MYT1: variants seen among roughly 807,000 people sequenced by gnomAD.
MYT1 encodes myelin transcription factor I.
Under a neutral mutation model 123.0 loss-of-function variants are expected in MYT1, and 23 were observed. The ratio of observed to expected loss-of-function variants is 0.19; its 90% CI spans 0.13 to 0.26. MYT1 has a LOEUF of 0.26. MYT1 is among the 10% of genes least tolerant of loss of function. The pLI is 1.00. For missense variants in MYT1, 1,125 were observed against 1,472.5 expected, an observed-to-expected ratio of 0.76 and a Z score of 3.86; for synonymous variants, 518 against 575.3, an observed-to-expected ratio of 0.90 and a Z score of 1.43.
chr20:64,175,024 T>TCTC (rs1232553128), intron 1 of MYT1, among the ~76,000 whole-genome samples: 1 of 1,190 alleles, frequency 8.4e-4, no homozygotes. Flanking sequence ...CTCCCTGGCT[T>TCTC]CTCCTGTAGC....
intron 18 of MYT1, among the ~76,000 whole-genome samples, chr20:64,230,231 G>C (rs192819375): frequency 6.6e-6 from 1 of 152,344 alleles, no homozygotes. Flanking sequence ...CTCAGATTTG[G>C]GCCGGGCACT....
At chr20:64,179,813 TACACACAGTTACACAATGCTACAC>T (rs1303012143) in intron 1 of MYT1, among the ~76,000 whole-genome samples, 3 of 151,986 alleles carry the variant, frequency 2.0e-5, no homozygotes, top group Non-Finnish European at 4.4e-5. Flanking sequence ...ACTCACATGC[TACACACAGTTACACAATGCTACAC>T]ACACACAGTT....
At chr20:64,194,871 T>C (rs1338225929) in intron 2 of MYT1, among the ~76,000 whole-genome samples, 1 of 152,150 alleles carries the variant, frequency 6.6e-6, no homozygotes, top group Non-Finnish European at 1.5e-5. Flanking sequence ...AGTGGTTTGT[T>C]ACTGGCTATG....
intron 13 of MYT1, among the ~76,000 whole-genome samples, chr20:64,220,319 T>G (rs908559865): frequency 6.6e-6 from 1 of 151,264 alleles, no homozygotes; most frequent in Non-Finnish European, 1.5e-5. Flanking sequence ...ATCCCAGGAG[T>G]TGATTGGGGA....
intron 1 of MYT1, among the ~76,000 whole-genome samples, chr20:64,180,169 TTACA>T (rs1254228189): frequency 6.6e-6 from 1 of 151,670 alleles, no homozygotes; most frequent in Admixed American, 6.6e-5. Context: ...TGCTACACAG[TTACA>T]TGCATGCTCT....
chr20:64,213,463 A>G lies in MYT1; in HGVS notation c.1518-71A>G, dbSNP rs1051403059. On this transcript the variant is annotated intron_variant, in intron 9 of 22. Transcript: ENST00000328439. The surrounding 1 kb of genome is among the most constrained non-coding windows in gnomAD (Gnocchi z 5.6). ...AATGACCTTGCCGTGAGACACCCAC[A>G]CACACAGACACCCAGGACAGGACAG... 1.6e-6 allele frequency: 2 copies of G among 1,243,094 alleles called. No homozygotes were observed. Among genetic ancestry groups the G allele is most frequent in the Non-Finnish European group, 2.3e-6 (2 of 853,838 alleles). The allele number at this position is 1,243,094 out of a possible 1,614,324, so 77.0% of individuals were successfully genotyped here. A position where few individuals can be genotyped will look rare whatever the true frequency, so the allele number is the denominator to read the frequency against.
At chr20:64,237,491 G>C in intron 21 of MYT1, 101 bp downstream of exon 21, 1 of 915,580 alleles carries the variant, frequency 1.1e-6, no homozygotes, top group Non-Finnish European at 1.7e-6. Flanking sequence ...CAAGGTTGCT[G>C]TCAGGGCTGA....
In MYT1 at chr20:64,168,548, G is replaced by A. The variant is rs551049078; in HGVS notation, c.-99+3809G>A. ...GAGTCCAGGCCTTGCAGAGGAGAGAGGATGTCGACACAGCTGTGGGTGTCT... is the reference window on the plus strand; with the variant it reads ...GAGTCCAGGCCTTGCAGAGGAGAGAAGATGTCGACACAGCTGTGGGTGTCT... On this transcript the variant is annotated intron_variant, in intron 1 of 22. Coordinates refer to ENST00000328439, the MANE Select transcript of MYT1 (RefSeq NM_004535.3). This position sits in a 1 kb window ranked among gnomAD's most constrained non-coding sequence, Gnocchi z 6.1. Among the ~76,000 whole-genome samples, 2 of 152,334 alleles carry A rather than the reference G, an allele frequency of 1.3e-5. No homozygotes were observed. Among genetic ancestry groups the A allele is most frequent in the Admixed American group, 1.3e-4 (2 of 15,310 alleles).
At chr20:64,229,184 T>C (rs1432719566) in intron 18 of MYT1, among the ~76,000 whole-genome samples, 1 of 152,224 alleles carries the variant, frequency 6.6e-6, no homozygotes, top group African/African-American at 2.4e-5. Flanking sequence ...AAATTAACAA[T>C]GCAAAATTTT....
intron 4 of MYT1, among the ~76,000 whole-genome samples, chr20:64,200,222 G>A (rs908699089): frequency 6.6e-6 from 1 of 152,212 alleles, no homozygotes; most frequent in Admixed American, 6.5e-5. Flanking sequence ...CCCCCAAACC[G>A]AAAACAAGCC....
In MYT1 at chr20:64,168,488, GCCCTGGCTGAGTACAT is replaced by G. The variant is rs1174136850; in HGVS notation, c.-99+3751_-99+3766del. 6.6e-6 allele frequency among the ~76,000 whole-genome samples: 1 copy of G among 152,158 alleles called. No homozygotes were observed. Among genetic ancestry groups the G allele is most frequent in the Non-Finnish European group, 1.5e-5 (1 of 68,036 alleles). ...AAAGTAACTCAGCGTGCTTTAATCT[GCCCTGGCTGAGTACAT>G]CTGCCTTGGCCAGGATTGGAGTCCA... On this transcript the variant is annotated intron_variant, in intron 1 of 22. Transcript: ENST00000328439. The surrounding 1 kb of genome is among the most constrained non-coding windows in gnomAD (Gnocchi z 6.1).
intron 1 of MYT1, among the ~76,000 whole-genome samples, chr20:64,165,297 C>T (rs1458349238): frequency 6.6e-6 from 1 of 152,046 alleles, no homozygotes; most frequent in Non-Finnish European, 1.5e-5. Flanking sequence ...AGGGTGCATG[C>T]GTCTGTGGGA....
In MYT1 at chr20:64,212,678, T is replaced by C. The variant is rs550785191; in HGVS notation, c.1517+540T>C. ...GAGTGGGAAGGGCAGACATGAACAG[T>C]AACCTCGGCAGGCCAGGACTGTGCT... On this transcript the variant is annotated intron_variant, in intron 9 of 22. Coordinates refer to ENST00000328439, the MANE Select transcript of MYT1 (RefSeq NM_004535.3). The surrounding 1 kb of genome is among the most constrained non-coding windows in gnomAD (Gnocchi z 6.8). Among the ~76,000 whole-genome samples, 1 of 152,284 alleles carries C rather than the reference T, an allele frequency of 6.6e-6. No individual in the cohort carries two copies. Among genetic ancestry groups the C allele is most frequent in the South Asian group, 2.1e-4 (1 of 4,820 alleles).
intron 17 of MYT1, 103 bp downstream of exon 17, chr20:64,227,580 C>A: frequency 9.5e-7 from 1 of 1,049,090 alleles, no homozygotes; most frequent in Non-Finnish European, 1.4e-6. Context: ...AGCTAGAGTC[C>A]ATTCCCATCT....
At chr20:64,178,174 T>C (rs1187931402) in intron 1 of MYT1, among the ~76,000 whole-genome samples, 5 of 152,212 alleles carry the variant, frequency 3.3e-5, no homozygotes, top group Admixed American at 3.3e-4. Context: ...CAAAAATACA[T>C]TTTGAAACAA....
Position 64,241,742 on chromosome 20 carries a change from A to G in MYT1, c.*1294A>G, listed in dbSNP as rs1474862375. 1 of 152,654 alleles carries G rather than the reference A, an allele frequency of 6.6e-6. No homozygotes were observed. Among genetic ancestry groups the G allele is most frequent in the Non-Finnish European group, 1.5e-5 (1 of 68,038 alleles). The allele number at this position is 152,654 out of a possible 1,614,324, so 9.5% of individuals were successfully genotyped here. Reference sequence around the variant, plus strand: ...TTGACTATAATATAGGCCACAAAAAATCTTGATATAACTCCTAGTTATAAT... The same window carrying G: ...TTGACTATAATATAGGCCACAAAAAGTCTTGATATAACTCCTAGTTATAAT... On this transcript the variant is annotated 3_prime_UTR_variant, in exon 23 of 23. Coordinates refer to ENST00000328439, the MANE Select transcript of MYT1 (RefSeq NM_004535.3). The surrounding 1 kb of genome is among the most constrained non-coding windows in gnomAD (Gnocchi z 4.2).
intron 1 of MYT1, among the ~76,000 whole-genome samples, chr20:64,170,888 G>T (rs868477003): frequency 0.077 from 1,840 of 23,904 alleles, 4 homozygotes; most frequent in Non-Finnish European, 0.091. Context: ...TATATATAGA[G>T]AGAGAGAGAG....
chr20:64,227,555 A>C, intron 17 of MYT1, 78 bp downstream of exon 17: 1 of 1,310,410 alleles, frequency 7.6e-7, no homozygotes, highest in Non-Finnish European at 1.1e-6. Context: ...ATTAGAAGAC[A>C]CTAATGTTGC....
At chr20:64,205,231 C>T (rs570877811) in intron 5 of MYT1, 134 bp downstream of exon 5, 27 of 1,068,488 alleles carry the variant, frequency 2.5e-5, no homozygotes, top group Middle Eastern at 2.1e-4. Flanking sequence ...TGCGAGGCAG[C>T]GACCTCCCAC....
Sources: gnomAD v4.1 joint callset for allele counts (sites outside exome capture counted in the v4.1 genomes callset) on GRCh38, gnomAD v4.1.1 for gene constraint, Gnocchi (gnomAD v3.1) non-coding constraint, MANE v1.5 for transcripts, NCBI Gene and HGNC (gene_info 2026-07-23, HGNC 2026-07-21) for gene names.